The following FMNL3 variants were observed in gnomAD, a reference collection of about 807,000 sequenced individuals.
FMNL3 encodes the protein formin-like protein 3.
FMNL3 carries 57 observed loss-of-function variants against 119.6 expected under a neutral mutation model. That is an observed-to-expected ratio of 0.48 (90% CI 0.39 to 0.59). The LOEUF (loss-of-function observed/expected upper bound fraction) is 0.59. Ranked by LOEUF, FMNL3 falls within the 20% of genes least tolerant of loss-of-function variation. The pLI is 0.00. For synonymous variants in FMNL3, 491 were observed against 507.3 expected (o/e 0.97, Z 0.43); for missense variants, 1,053 against 1,323.5 (o/e 0.80, Z 3.17).
intron 1 of FMNL3, among the ~76,000 whole-genome samples, chr12:49,689,454 C>A (rs752167613): frequency 6.6e-6 from 1 of 152,170 alleles, no homozygotes; most frequent in Non-Finnish European, 1.5e-5. Flanking sequence ...AATGTTCAGG[C>A]TAGGCACGAT....
At chr12:49,678,032 T>C (rs1944237604) in intron 1 of FMNL3, among the ~76,000 whole-genome samples, 1 of 151,882 alleles carries the variant, frequency 6.6e-6, no homozygotes, top group South Asian at 2.1e-4. Flanking sequence ...CCGGCTAATT[T>C]TTTGTATTTT....
Position 49,650,670 on chromosome 12 carries a change from C to T in FMNL3, c.2000+6G>A. On this transcript the variant is annotated splice_donor_region_variant and intron_variant, in intron 17 of 25. Transcript: ENST00000335154. ...GGGACCAGAGCCAGGTCAGTGGGAG[C>T]CTCACGTATGAATGGCCCTGCAGAT... 6.2e-7 allele frequency: 1 copy of T among 1,612,514 alleles called. No homozygotes were observed. The highest frequency in any genetic ancestry group is 1.3e-5 in the African/African-American group (1 of 75,000).
chr12:49,650,695 TCTC>T lies in FMNL3; in HGVS notation c.1978_1980del (p.Glu660del). Reference sequence around the variant, plus strand: ...CCTCACGTATGAATGGCCCTGCAGATCTCCTCAGCCGAGCGGCCAGCCTTGCGT... The same window carrying T: ...CCTCACGTATGAATGGCCCTGCAGATCTCAGCCGAGCGGCCAGCCTTGCGT... On this transcript the variant is annotated inframe_deletion, in exon 17 of 26. Transcript: ENST00000335154. The T allele has an allele frequency of 1.2e-6, 2 of 1,613,406 alleles. No homozygotes were observed. The highest frequency in any genetic ancestry group is 1.7e-6 in the Non-Finnish European group (2 of 1,179,976).
Position 49,656,475 on chromosome 12 carries a change from G to A in FMNL3, c.814C>T (p.Leu272Phe). The change falls in exon 9 of 26, where the codon CTT becomes TTT. Residue 272 changes from leucine (L) to phenylalanine (F), a missense_variant. Around this residue, in one of 4 missense-constraint regions of FMNL3, gnomAD observed 445 missense variants for 628.4 expected, o/e 0.71. Coordinates refer to ENST00000335154, the MANE Select transcript of FMNL3 (RefSeq NM_175736.5). ...NPRTKALVLE[L>F]LAAVCLVRGG... Reference sequence around the variant, plus strand: ...CGCACCAAACACACAGCTGCCAGAAGCTCTAAGACAAGGGCTTTGGTCCTA... The same window carrying A: ...CGCACCAAACACACAGCTGCCAGAAACTCTAAGACAAGGGCTTTGGTCCTA... The A allele has an allele frequency of 6.2e-7, 1 of 1,614,064 alleles. No individual in the cohort carries two copies. Among genetic ancestry groups the A allele is most frequent in the Non-Finnish European group, 8.5e-7 (1 of 1,179,966 alleles).
intron 5 of FMNL3, chr12:49,659,860 T>A (rs909346006): frequency 1.0e-6 from 1 of 985,452 alleles, no homozygotes; most frequent in Non-Finnish European, 1.2e-6. Context: ...TTCCTCCATG[T>A]AGGTCATTAA....
In FMNL3 at chr12:49,647,129, C is replaced by A; in HGVS notation, c.2872-120G>T. ...GTGCACTGCTAGGAATCCCCAAAGG[C>A]CCTCCCTCCATCCCTCTGGATGCCA... On this transcript the variant is annotated intron_variant, in intron 24 of 25. Transcript: ENST00000335154. This position sits in a 1 kb window ranked among gnomAD's most constrained non-coding sequence, Gnocchi z 4.9. The A allele has an allele frequency of 6.4e-7, 1 of 1,562,804 alleles. No homozygotes were observed. The highest frequency in any genetic ancestry group is 2.2e-5 in the East Asian group (1 of 44,454).
intron 25 of FMNL3, chr12:49,646,544 G>A (rs1202957540): frequency 1.0e-6 from 1 of 980,668 alleles, no homozygotes; most frequent in Non-Finnish European, 1.5e-6. Context: ...GCCAGAGGGT[G>A]ATTGCAAGTC....
Position 49,654,913 on chromosome 12 carries a change from G to T in FMNL3, c.957C>A (p.Phe319Leu). The T allele has an allele frequency of 1.2e-6, 2 of 1,614,008 alleles. No individual in the cohort carries two copies. Among genetic ancestry groups the T allele is most frequent in the Non-Finnish European group, 1.7e-6 (2 of 1,179,952 alleles). Residue 319 changes from phenylalanine to leucine, a missense_variant, in exon 10 of 26, where the codon TTC becomes TTA. Phe to Leu is a conservative substitution (Grantham distance 22). Around this residue, in one of 4 missense-constraint regions of FMNL3, gnomAD observed 445 missense variants for 628.4 expected, o/e 0.71. Transcript: ENST00000335154. ...GGACCCAGGCCCAGTTCCTCACCAT[G>T]AAGTCAATATTGCTGTCCTCATTCC... is the stretch of plus-strand genomic sequence containing the variant. The part of the protein sequence containing the change: ...YFRNEDSNID[F>L]MVACMQFINI...
intron 1 of FMNL3, among the ~76,000 whole-genome samples, chr12:49,672,685 A>G (rs1944078426): frequency 6.6e-6 from 1 of 151,440 alleles, no homozygotes; most frequent in Non-Finnish European, 1.5e-5. Flanking sequence ...TCCCTTTCCC[A>G]CTCTGCACCC....
intron 12 of FMNL3, 47 bp from the exon 13 acceptor site, chr12:49,653,374 C>T (rs1943468414): frequency 6.3e-7 from 1 of 1,584,956 alleles, no homozygotes. Context: ...AAAGCCTGGG[C>T]ACTCAGCACA....
At chr12:49,702,794 C>T (rs1389301734) in intron 1 of FMNL3, among the ~76,000 whole-genome samples, 3 of 152,158 alleles carry the variant, frequency 2.0e-5, no homozygotes, top group Non-Finnish European at 4.4e-5. Context: ...TCCCTGCCCC[C>T]TCCCAAGTTC....
At chr12:49,678,709 C>T (rs1944260096) in intron 1 of FMNL3, among the ~76,000 whole-genome samples, 1 of 152,088 alleles carries the variant, frequency 6.6e-6, no homozygotes, top group African/African-American at 2.4e-5. Context: ...GCGATCCACC[C>T]ACCTTGGCCT....
In FMNL3 at chr12:49,658,466, C is replaced by A. The variant is rs770464448; in HGVS notation, c.581G>T (p.Arg194Leu). ...CCGGAGCACAGACTGGCGCGCAGAG[C>A]GAGCGAGGCTGTTGGTGAAGGGGGC... ...LSAPFTNSLA[R>L]SARQSVLRYS... Residue 194 changes from arginine (R) to leucine (L), a missense_variant, in exon 6 of 26, where the codon CGC becomes CTC. This residue lies in a region of FMNL3 where 264 missense variants were observed against 265.5 expected (regional missense o/e 0.99). Transcript: ENST00000335154. 2 of 1,609,930 alleles carry A rather than the reference C, an allele frequency of 1.2e-6. No individual in the cohort carries two copies. Among genetic ancestry groups the A allele is most frequent in the Admixed American group, 1.7e-5 (1 of 59,586 alleles).
At chr12:49,676,141 G>A (rs1026984498) in intron 1 of FMNL3, among the ~76,000 whole-genome samples, 2 of 152,272 alleles carry the variant, frequency 1.3e-5, no homozygotes, top group Middle Eastern at 3.4e-3. Flanking sequence ...GCAGAGACCT[G>A]CCTGTTATCC....
At chr12:49,700,915 A>G (rs1356370053) in intron 1 of FMNL3, among the ~76,000 whole-genome samples, 2 of 151,532 alleles carry the variant, frequency 1.3e-5, no homozygotes, top group East Asian at 3.9e-4. Context: ...CATCTCTACT[A>G]AAAATACAAA....
chr12:49,693,488 G>A (rs901300558), intron 1 of FMNL3, among the ~76,000 whole-genome samples: 1 of 149,572 alleles, frequency 6.7e-6, no homozygotes, highest in Non-Finnish European at 1.5e-5. Flanking sequence ...AGTGATTCTC[G>A]TGCCTCAGCC....
chr12:49,659,403 A>AATT (rs200987082), intron 5 of FMNL3, among the ~76,000 whole-genome samples: 15 of 151,916 alleles, frequency 9.9e-5, no homozygotes, highest in African/African-American at 2.7e-4. Flanking sequence ...CACCATCAGC[A>AATT]ATTATTATTA....
chr12:49,660,436 T>C (rs1417853930), intron 5 of FMNL3, among the ~76,000 whole-genome samples: 3 of 152,226 alleles, frequency 2.0e-5, no homozygotes, highest in Admixed American at 6.5e-5. Context: ...ACCAAATGTT[T>C]TTCATTTCTT....
chr12:49,639,088 T>C lies in FMNL3; in HGVS notation c.*6727A>G, dbSNP rs1306878850. 6.6e-6 allele frequency: 1 copy of C among 152,224 alleles called. No individual in the cohort carries two copies. The highest frequency in any genetic ancestry group is 2.4e-5 in the African/African-American group (1 of 41,448). The allele number at this position is 152,224 out of a possible 1,614,324, so 9.4% of individuals were successfully genotyped here. On this transcript the variant is annotated 3_prime_UTR_variant, in exon 26 of 26. Transcript: ENST00000335154. The stretch of plus-strand genomic sequence containing the variant: ...CCCAGCTTGGAAGTAGAGCCCTGCA[T>C]GTAAAGTGCCTTGAATGCTAAAATA...
Sources: allele counts gnomAD v4.1 joint callset (sites outside exome capture counted in the v4.1 genomes callset), GRCh38; gene constraint gnomAD v4.1.1; regional missense constraint gnomAD v4.1.1; non-coding constraint Gnocchi (gnomAD v3.1); transcripts MANE v1.5; gene names NCBI Gene and HGNC (gene_info 2026-07-23, HGNC 2026-07-21).